TSNARE1: variants seen among roughly 807,000 people sequenced by gnomAD.
TSNARE1 encodes t-SNARE domain-containing protein 1.
A neutral mutation model predicts 62.0 loss-of-function variants in TSNARE1; 49 were observed. That is an observed-to-expected ratio of 0.79 (90% CI 0.63 to 1.00). The LOEUF is 1.00. TSNARE1 is among the 50% of genes least tolerant of loss of function. The probability of loss-of-function intolerance (pLI) is 0.00; values close to 1 mark genes in which losing one functional copy is unlikely to be tolerated. For synonymous variants in TSNARE1, 328 were observed against 294.4 expected, an observed-to-expected ratio of 1.11 and a Z score of -1.17; for missense variants, 755 against 700.1, an observed-to-expected ratio of 1.08 and a Z score of -0.88.
intron 11 of TSNARE1, chr8:142,277,966 G>A (rs1252891751): frequency 2.0e-6 from 2 of 985,382 alleles, no homozygotes; most frequent in Non-Finnish European, 2.4e-6. Context: ...AACCAGGTCT[G>A]CCTCTGCCCA....
chr8:142,274,061 C>G, intron 12 of TSNARE1: 1 of 985,400 alleles, frequency 1.0e-6, no homozygotes, highest in African/African-American at 1.7e-5. Context: ...CCCACCGTGG[C>G]CCATGCCACC....
chr8:142,297,348 C>T (rs540756776), intron 10 of TSNARE1, among the ~76,000 whole-genome samples: 4 of 152,316 alleles, frequency 2.6e-5, no homozygotes, highest in Admixed American at 1.3e-4. Context: ...CCAGGAATCG[C>T]GCAACACTGG....
chr8:142,282,563 C>CT (rs1225779716), intron 11 of TSNARE1, among the ~76,000 whole-genome samples: 1 of 150,942 alleles, frequency 6.6e-6, no homozygotes, highest in Non-Finnish European at 1.5e-5. Context: ...GGACCAGTGT[C>CT]TGTCAATGAG....
intron 3 of TSNARE1, among the ~76,000 whole-genome samples, 170 bp from the exon 4 acceptor site, chr8:142,344,642 C>T (rs535581706): frequency 3.7e-4 from 56 of 152,370 alleles, no homozygotes; most frequent in African/African-American, 1.3e-3. Context: ...GGCCCACGAT[C>T]CCCTAGCCCT....
At chr8:142,347,025 C>T (rs1175791612) in intron 2 of TSNARE1, among the ~76,000 whole-genome samples, 1 of 152,222 alleles carries the variant, frequency 6.6e-6, no homozygotes, top group South Asian at 2.1e-4. Flanking sequence ...CAGAGACAGG[C>T]CTACGGCCAC....
At chr8:142,336,731 G>A (rs766414269) in intron 4 of TSNARE1, among the ~76,000 whole-genome samples, 6 of 152,122 alleles carry the variant, frequency 3.9e-5, no homozygotes, top group Non-Finnish European at 8.8e-5. Context: ...CCTGCCAAAC[G>A]CACGTGGAAC....
chr8:142,214,653 T>C, intron 13 of TSNARE1, among the ~76,000 whole-genome samples: 1 of 152,184 alleles, frequency 6.6e-6, no homozygotes, highest in South Asian at 2.1e-4. Context: ...TGAGTGCTTG[T>C]GTTCCTCCAA....
intron 9 of TSNARE1, among the ~76,000 whole-genome samples, chr8:142,306,183 C>T (rs550185101): frequency 1.3e-5 from 2 of 152,196 alleles, no homozygotes; most frequent in Non-Finnish European, 2.9e-5. Flanking sequence ...AGGACGGACA[C>T]GGCTGTGGCA....
chr8:142,287,700 G>A (rs1197931074), intron 10 of TSNARE1, among the ~76,000 whole-genome samples: 2 of 144,658 alleles, frequency 1.4e-5, no homozygotes, highest in Non-Finnish European at 3.0e-5. Flanking sequence ...CTCAGGGACA[G>A]TGGAACCCAG....
chr8:142,333,319 T>G (rs748596077), intron 4 of TSNARE1, among the ~76,000 whole-genome samples: 15 of 152,084 alleles, frequency 9.9e-5, no homozygotes, highest in South Asian at 4.1e-4. Flanking sequence ...GCACTAAAGG[T>G]CGATTAAACC....
At chr8:142,280,932 G>A (rs1821331410) in intron 11 of TSNARE1, among the ~76,000 whole-genome samples, 2 of 152,152 alleles carry the variant, frequency 1.3e-5, no homozygotes, top group South Asian at 4.2e-4. Flanking sequence ...CCCAGGCTCC[G>A]AGGGGATTGA....
chr8:142,229,675 A>G, intron 12 of TSNARE1, 96 bp from the exon 13 acceptor site: 3 of 1,083,328 alleles, frequency 2.8e-6, no homozygotes, highest in Non-Finnish European at 4.1e-6. Flanking sequence ...TGTGGCATGC[A>G]GGGGCTGAGT....
At chr8:142,264,182 C>T (rs184973081) in intron 12 of TSNARE1, among the ~76,000 whole-genome samples, 43 of 152,270 alleles carry the variant, frequency 2.8e-4, no homozygotes, top group Non-Finnish European at 5.9e-5. Context: ...TCTTCTTTGA[C>T]CTCTGAGTTA....
chr8:142,400,724 T>C (rs1838228666), intron 1 of TSNARE1, among the ~76,000 whole-genome samples: 1 of 152,126 alleles, frequency 6.6e-6, no homozygotes. Flanking sequence ...CAAACACCAC[T>C]CAGAGGGATA....
At chr8:142,222,210 C>CCACTAATT (rs1563754732) in intron 13 of TSNARE1, among the ~76,000 whole-genome samples, 8 of 22,408 alleles carry the variant, frequency 3.6e-4, no homozygotes, top group East Asian at 1.5e-3. Flanking sequence ...ACTCACTCAT[C>CCACTAATT]CGCTCATTCA....
intron 12 of TSNARE1, among the ~76,000 whole-genome samples, chr8:142,242,311 C>CGATCTCCATCTCACGCCATA (rs1817703220): frequency 6.6e-6 from 1 of 151,938 alleles, no homozygotes; most frequent in Non-Finnish European, 1.5e-5. Flanking sequence ...TGTAAAACTA[C>CGATCTCCATCTCACGCCATA]TAGAAGAAAA....
chr8:142,280,090 T>A, intron 11 of TSNARE1: 1 of 1,192,272 alleles, frequency 8.4e-7, no homozygotes. Context: ...CCACACGCGG[T>A]GCTTTCGGGC....
intron 13 of TSNARE1, among the ~76,000 whole-genome samples, chr8:142,223,019 C>T (rs1816501680): frequency 7.2e-6 from 1 of 139,826 alleles, no homozygotes; most frequent in African/African-American, 2.8e-5. Flanking sequence ...TACTCACTCA[C>T]TCAGCCACTC....
intron 7 of TSNARE1, among the ~76,000 whole-genome samples, chr8:142,316,791 C>T (rs1014578493): frequency 4.6e-5 from 7 of 151,878 alleles, no homozygotes; most frequent in African/African-American, 1.7e-4. Flanking sequence ...CTTCCAGCCT[C>T]ACCACATTGT....
Sources: gnomAD v4.1 joint callset for allele counts (sites outside exome capture counted in the v4.1 genomes callset) on GRCh38, gnomAD v4.1.1 for gene constraint, MANE v1.5 for transcripts, NCBI Gene and HGNC (gene_info 2026-07-23, HGNC 2026-07-21) for gene names.